Variants in GAREM1 observed in about 807,000 individuals in gnomAD.
The protein encoded by GAREM1 is GRB2-associated and regulator of MAPK protein 1.
In GAREM1, 26 loss-of-function variants were observed where a neutral mutation model predicts 71.3. The observed-to-expected ratio is 0.36, with a 90% confidence interval of 0.27 to 0.51. The LOEUF is 0.51. Ranked by LOEUF, GAREM1 falls within the 20% of genes least tolerant of loss-of-function variation. The probability of loss-of-function intolerance (pLI) is 0.95; values close to 1 mark genes in which losing one functional copy is unlikely to be tolerated. For synonymous variants in GAREM1, 440 were observed against 433.2 expected, an observed-to-expected ratio of 1.02 and a Z score of -0.20; for missense variants, 1,026 against 1,103.1, an observed-to-expected ratio of 0.93 and a Z score of 0.99.
chr18:32,457,222 A>AGGGTGTGT (rs547348755), intron 1 of GAREM1, among the ~76,000 whole-genome samples: 1 of 84,240 alleles, frequency 1.2e-5, no homozygotes, highest in Non-Finnish European at 2.6e-5. Flanking sequence ...AGAGAGAGAG[A>AGGGTGTGT]GAGAGTGTGT....
chr18:32,416,270 A>G (rs975710865), intron 1 of GAREM1, among the ~76,000 whole-genome samples: 1 of 152,192 alleles, frequency 6.6e-6, no homozygotes, highest in Non-Finnish European at 1.5e-5. Context: ...GAAAGAATCA[A>G]TGTTGTTAAA....
chr18:32,341,096 T>C (rs1314415536), intron 2 of GAREM1, among the ~76,000 whole-genome samples: 1 of 152,116 alleles, frequency 6.6e-6, no homozygotes, highest in East Asian at 1.9e-4. Flanking sequence ...GTCATTTACA[T>C]TAGGTATATC....
At position 32,300,376 on chromosome 18, in the gene GAREM1, C is replaced by T. The variant is rs17663621; in HGVS notation, c.393+9817G>A. Among the ~76,000 whole-genome samples, 1,457 of 152,210 alleles carry T rather than the reference C, an allele frequency of 9.6e-3. 9 individuals are homozygous for T. Among genetic ancestry groups the T allele is most frequent in the Non-Finnish European group, 0.015 (1,052 of 68,016 alleles). On this transcript the variant is annotated intron_variant, in intron 3 of 5. Coordinates refer to ENST00000269209, the MANE Select transcript of GAREM1 (RefSeq NM_001242409.2). Reference sequence around the variant, plus strand: ...TGGTGGGTTACAACTGAACTACACTCGGAAAACAAAATAAAAAACCCTGAA... The same window carrying T: ...TGGTGGGTTACAACTGAACTACACTTGGAAAACAAAATAAAAAACCCTGAA...
At chr18:32,293,829 T>C (rs1351844885) in intron 3 of GAREM1, among the ~76,000 whole-genome samples, 1 of 152,214 alleles carries the variant, frequency 6.6e-6, no homozygotes, top group Non-Finnish European at 1.5e-5. Context: ...CCTCTGAATG[T>C]GACTTCCTGA....
intron 2 of GAREM1, among the ~76,000 whole-genome samples, chr18:32,351,082 T>C (rs548998072): frequency 6.6e-6 from 1 of 152,314 alleles, no homozygotes; most frequent in South Asian, 2.1e-4. Flanking sequence ...ATTTCTAATT[T>C]TGTATGGTGT....
At chr18:32,308,445 A>C (rs981319412) in intron 3 of GAREM1, among the ~76,000 whole-genome samples, 2 of 150,326 alleles carry the variant, frequency 1.3e-5, no homozygotes, top group African/African-American at 2.5e-5. Flanking sequence ...AAATCACTTA[A>C]AAATTTACAT....
At chr18:32,346,799 G>A (rs926393966) in intron 2 of GAREM1, among the ~76,000 whole-genome samples, 1 of 152,164 alleles carries the variant, frequency 6.6e-6, no homozygotes, top group East Asian at 1.9e-4. Flanking sequence ...CAAACCTAAC[G>A]TTGAAAGAAT....
chr18:32,288,173 C>T lies in GAREM1; in HGVS notation c.424G>A (p.Glu142Lys). The change falls in exon 4 of 6, where the codon GAA (glutamate) becomes AAA (lysine). Residue 142 changes from glutamate to lysine, a missense_variant. Transcript: ENST00000269209. ...VASGECNEDT[E>K]VYNITLCTGD... ...GTACACAGGGTGATGTTGTAAACTTCAGTGTCTTCATTGCATTCACCTGAA... is the reference window on the plus strand; with the variant it reads ...GTACACAGGGTGATGTTGTAAACTTTAGTGTCTTCATTGCATTCACCTGAA... The T allele has an allele frequency of 6.2e-7, 1 of 1,610,930 alleles. No homozygotes were observed. Among genetic ancestry groups the T allele is most frequent in the Non-Finnish European group, 8.5e-7 (1 of 1,178,250 alleles).
chr18:32,288,788 A>G (rs1391795892), intron 3 of GAREM1, among the ~76,000 whole-genome samples: 1 of 152,202 alleles, frequency 6.6e-6, no homozygotes, highest in Non-Finnish European at 1.5e-5. Flanking sequence ...TATCTCAGAG[A>G]TACAAATAGA....
chr18:32,270,345 A>G lies in GAREM1; in HGVS notation c.1605T>C (p.Val535=). ...ACAAAGGCTTTGCGCTTCGGGGTGG[A>G]ACAGGTGGGGCGTTCAGGAGCCGGC... ...EECRLLNAPP[V]PPRSAKPLST... The change falls in exon 5 of 6, where the codon GTT becomes GTC. Residue 535 remains valine (V), a synonymous_variant. Coordinates refer to ENST00000269209, the MANE Select transcript of GAREM1 (RefSeq NM_001242409.2). 5.0e-6 allele frequency: 8 copies of G among 1,613,890 alleles called. No individual in the cohort carries two copies. The highest frequency in any genetic ancestry group is 6.8e-6 in the Non-Finnish European group (8 of 1,179,940).
intron 2 of GAREM1, among the ~76,000 whole-genome samples, chr18:32,380,707 T>C (rs1420258024): frequency 6.6e-6 from 1 of 152,166 alleles, no homozygotes; most frequent in African/African-American, 2.4e-5. Context: ...AGCAACTTCC[T>C]TGGCTTCTGC....
At chr18:32,457,712 A>G (rs2048910321) in intron 1 of GAREM1, among the ~76,000 whole-genome samples, 1 of 152,164 alleles carries the variant, frequency 6.6e-6, no homozygotes, top group Non-Finnish European at 1.5e-5. Context: ...AACTATTTAT[A>G]GAGTCCTCAG....
chr18:32,358,075 G>A (rs573490083), intron 2 of GAREM1, among the ~76,000 whole-genome samples: 98 of 151,904 alleles, frequency 6.5e-4, no homozygotes, highest in Middle Eastern at 3.4e-3. Flanking sequence ...CCCTTAGTTA[G>A]CACCGTCTAT....
At chr18:32,439,722 G>A (rs1011031426) in intron 1 of GAREM1, among the ~76,000 whole-genome samples, 1 of 151,172 alleles carries the variant, frequency 6.6e-6, no homozygotes, top group Non-Finnish European at 1.5e-5. Context: ...GTCATTGATT[G>A]ACATAGCTAA....
At chr18:32,380,596 A>G (rs1484719043) in intron 2 of GAREM1, among the ~76,000 whole-genome samples, 1 of 152,008 alleles carries the variant, frequency 6.6e-6, no homozygotes, top group Non-Finnish European at 1.5e-5. Context: ...TAAAGGTATT[A>G]ACAATTATAA....
chr18:32,438,526 C>T (rs940661024), intron 1 of GAREM1, among the ~76,000 whole-genome samples: 7 of 152,166 alleles, frequency 4.6e-5, no homozygotes, highest in South Asian at 2.1e-4. Flanking sequence ...CAGGGGTTAG[C>T]GACAATGACA....
At chr18:32,431,343 T>C (rs2048622588) in intron 1 of GAREM1, among the ~76,000 whole-genome samples, 1 of 151,990 alleles carries the variant, frequency 6.6e-6, no homozygotes, top group Non-Finnish European at 1.5e-5. Context: ...AAGAATATAA[T>C]GAAAGGCCAG....
chr18:32,457,226 A>ATGT (rs2048903143), intron 1 of GAREM1, among the ~76,000 whole-genome samples: 20 of 81,986 alleles, frequency 2.4e-4, no homozygotes, highest in African/African-American at 4.6e-4. Flanking sequence ...AGAGAGAGAG[A>ATGT]GTGTGTGTGT....
chr18:32,314,148 T>TC (rs2047353165), intron 2 of GAREM1, among the ~76,000 whole-genome samples: 2 of 152,038 alleles, frequency 1.3e-5, no homozygotes, highest in African/African-American at 4.8e-5. Flanking sequence ...ACAAATTCTA[T>TC]CACAAGTTAA....
Sources: gnomAD v4.1 joint callset for allele counts (sites outside exome capture counted in the v4.1 genomes callset) on GRCh38, gnomAD v4.1.1 for gene constraint, MANE v1.5 for transcripts, NCBI Gene and HGNC (gene_info 2026-07-23, HGNC 2026-07-21) for gene names.